The following CSRNP3 variants were observed in gnomAD, a reference collection of about 807,000 sequenced individuals.
The protein encoded by CSRNP3 is cysteine/serine-rich nuclear protein 3.
A neutral mutation model predicts 48.0 loss-of-function variants in CSRNP3; 12 were observed. The ratio of observed to expected loss-of-function variants is 0.25; its 90% CI spans 0.16 to 0.41. CSRNP3 has a LOEUF of 0.41. CSRNP3 is among the 10% of genes least tolerant of loss of function. The probability of loss-of-function intolerance (pLI) is 1.00; values close to 1 mark genes in which losing one functional copy is unlikely to be tolerated. For missense variants in CSRNP3, 580 were observed against 724.4 expected (o/e 0.80, Z 2.29); for synonymous variants, 263 against 269.7 (o/e 0.98, Z 0.24).
chr2:165,566,209 TA>T (rs34169691), intron 3 of CSRNP3, among the ~76,000 whole-genome samples: 125,700 of 151,690 alleles, frequency 0.83, 52,658 homozygotes, highest in African/African-American at 0.96. Context: ...CCTATCGAGA[TA>T]AAAAAAAATC....
At chr2:165,631,442 T>C (rs889562231) in intron 4 of CSRNP3, among the ~76,000 whole-genome samples, 3 of 152,218 alleles carry the variant, frequency 2.0e-5, no homozygotes, top group African/African-American at 7.2e-5. Context: ...CTGTCTTCTG[T>C]GGAAATCTAA....
intron 3 of CSRNP3, among the ~76,000 whole-genome samples, chr2:165,527,987 G>C (rs1490815896): frequency 6.6e-6 from 1 of 151,880 alleles, no homozygotes; most frequent in Non-Finnish European, 1.5e-5. Flanking sequence ...AGAGAAAGGA[G>C]AGGGAGAGGA....
chr2:165,647,627 T>C (rs1474788278), intron 4 of CSRNP3, among the ~76,000 whole-genome samples: 1 of 152,222 alleles, frequency 6.6e-6, no homozygotes, highest in Non-Finnish European at 1.5e-5. Context: ...TCCTTAATGC[T>C]GGTTGGACTT....
intron 1 of CSRNP3, among the ~76,000 whole-genome samples, chr2:165,481,040 A>G (rs1574794598): frequency 6.6e-6 from 1 of 151,928 alleles, no homozygotes; most frequent in Non-Finnish European, 1.5e-5. Context: ...ACTGTGATTT[A>G]TAATAACAAA....
intron 1 of CSRNP3, among the ~76,000 whole-genome samples, chr2:165,472,373 A>C (rs1197270791): frequency 1.3e-5 from 2 of 152,046 alleles, no homozygotes; most frequent in African/African-American, 4.8e-5. Flanking sequence ...ATGTTAAGGT[A>C]ATTAATTTAA....
chr2:165,577,333 A>G (rs1016793220), intron 3 of CSRNP3, among the ~76,000 whole-genome samples: 1 of 151,912 alleles, frequency 6.6e-6, no homozygotes, highest in Non-Finnish European at 1.5e-5. Context: ...AAATTATAAG[A>G]ACAATAAAAT....
At position 165,680,590 on chromosome 2, in the gene CSRNP3, C is replaced by A. The variant is rs1687517026; in HGVS notation, c.*837C>A. The A allele has an allele frequency of 6.6e-6, 1 of 152,530 alleles. No homozygotes were observed. The highest frequency in any genetic ancestry group is 2.4e-5 in the African/African-American group (1 of 41,400). 9.4% of individuals were successfully genotyped at this position (152,530 alleles called of 1,614,324 possible). A position where few individuals can be genotyped will look rare whatever the true frequency, so the allele number is the denominator to read the frequency against. ...GCATCATCTTGATTCTTAGCTTGGA[C>A]AGCACCTTTAAGCTCTACCCCCTAC... On this transcript the variant is annotated 3_prime_UTR_variant, in exon 7 of 7. Transcript: ENST00000651982.
intron 5 of CSRNP3, among the ~76,000 whole-genome samples, chr2:165,670,297 C>T (rs11888997): frequency 6.6e-6 from 1 of 152,158 alleles, no homozygotes; most frequent in Non-Finnish European, 1.5e-5. Context: ...CATGTTCACC[C>T]TAAGCTAGGA....
At chr2:165,617,115 T>C (rs1686258449) in intron 4 of CSRNP3, among the ~76,000 whole-genome samples, 1 of 152,162 alleles carries the variant, frequency 6.6e-6, no homozygotes, top group African/African-American at 2.4e-5. Flanking sequence ...CTGAGTTTCT[T>C]TAAGACCATT....
chr2:165,635,582 C>T (rs1573934326), intron 4 of CSRNP3, among the ~76,000 whole-genome samples: 1 of 152,142 alleles, frequency 6.6e-6, no homozygotes, highest in East Asian at 1.9e-4. Context: ...TGTTCATGCA[C>T]ACAGGACAAA....
At chr2:165,528,734 G>A (rs1684771775) in intron 3 of CSRNP3, among the ~76,000 whole-genome samples, 1 of 152,034 alleles carries the variant, frequency 6.6e-6, no homozygotes, top group African/African-American at 2.4e-5. Context: ...TTATTTCTTT[G>A]TAATATACTT....
intron 1 of CSRNP3, among the ~76,000 whole-genome samples, chr2:165,480,776 A>G (rs1024378241): frequency 1.5e-5 from 2 of 132,984 alleles, no homozygotes; most frequent in African/African-American, 5.4e-5. Flanking sequence ...ATAAAATTTT[A>G]TATATTATAT....
chr2:165,643,165 T>C (rs1038736884), intron 4 of CSRNP3, among the ~76,000 whole-genome samples: 6 of 152,182 alleles, frequency 3.9e-5, no homozygotes, highest in African/African-American at 1.4e-4. Flanking sequence ...CCCAGATGCT[T>C]GGAATCTATG....
chr2:165,577,482 T>C (rs572728806), intron 3 of CSRNP3, among the ~76,000 whole-genome samples: 2 of 151,862 alleles, frequency 1.3e-5, no homozygotes, highest in Non-Finnish European at 2.9e-5. Flanking sequence ...AGGCCAGTTC[T>C]TAAAAATGCC....
chr2:165,583,270 A>G (rs1047732985), intron 3 of CSRNP3, among the ~76,000 whole-genome samples: 6 of 152,186 alleles, frequency 3.9e-5, no homozygotes, highest in East Asian at 1.9e-4. Flanking sequence ...CTCAAAATGT[A>G]TGAAGTGATA....
chr2:165,658,097 T>C, intron 5 of CSRNP3, 77 bp downstream of exon 5: 1 of 1,479,008 alleles, frequency 6.8e-7, no homozygotes, highest in East Asian at 2.4e-5. Flanking sequence ...TTCATATTTA[T>C]AATCACGAAA....
At chr2:165,620,243 A>G (rs923419516) in intron 4 of CSRNP3, among the ~76,000 whole-genome samples, 1 of 152,168 alleles carries the variant, frequency 6.6e-6, no homozygotes, top group Non-Finnish European at 1.5e-5. Context: ...GAAATCTAAT[A>G]ATCTGCTGTG....
chr2:165,605,432 C>G (rs565704691), intron 4 of CSRNP3, among the ~76,000 whole-genome samples: 1 of 151,810 alleles, frequency 6.6e-6, no homozygotes, highest in East Asian at 1.9e-4. Flanking sequence ...GCCCAAAGTC[C>G]TCATCTCTTA....
intron 4 of CSRNP3, among the ~76,000 whole-genome samples, chr2:165,656,935 C>G (rs75440126): frequency 0.018 from 2,793 of 152,254 alleles, 77 homozygotes; most frequent in African/African-American, 0.061. Context: ...ATAGTTGTCC[C>G]TGGTTATCTG....
Sources: allele counts gnomAD v4.1 joint callset (sites outside exome capture counted in the v4.1 genomes callset), GRCh38; gene constraint gnomAD v4.1.1; transcripts MANE v1.5; gene names NCBI Gene and HGNC (gene_info 2026-07-23, HGNC 2026-07-21).